PCM1: variants seen among roughly 807,000 people sequenced by gnomAD.
PCM1 encodes the protein pericentriolar material 1 protein.
A neutral mutation model predicts 241.9 loss-of-function variants in PCM1; 157 were observed. The ratio of observed to expected loss-of-function variants is 0.65; its 90% CI spans 0.57 to 0.74. PCM1 has a LOEUF of 0.74. PCM1 is among the 30% of genes least tolerant of loss of function. The probability of loss-of-function intolerance (pLI) is 0.00; values close to 1 mark genes in which losing one functional copy is unlikely to be tolerated. For synonymous variants in PCM1, 1,085 were observed against 784.9 expected (o/e 1.38, Z -6.39); for missense variants, 3,478 against 2,360.1 (o/e 1.47, Z -9.81).
chr8:17,925,998 GT>G lies in PCM1; in HGVS notation c.-23+1231del, dbSNP rs569626939. ...ATATCTTAATTATAATTCTCAGTGG[GT>G]TTTTTTTTTTTTAAACTGGAAGACT... On this transcript the variant is annotated intron_variant, in intron 2 of 38. Transcript: ENST00000325083. The G allele has an allele frequency of 1.6e-3, 230 of 146,768 alleles. 2 individuals are homozygous for G. The highest frequency in any genetic ancestry group is 0.014 in the East Asian group (69 of 5,040). The allele number at this position is 146,768 out of a possible 1,614,324, so 9.1% of individuals were successfully genotyped here.
chr8:17,990,123 A>C, intron 27 of PCM1, 144 bp downstream of exon 27: 1 of 592,160 alleles, frequency 1.7e-6, no homozygotes, highest in Non-Finnish European at 2.7e-6. Flanking sequence ...ATCAGTCTAA[A>C]ATCAAGAATC....
chr8:17,964,085 T>C (rs1354824600), intron 17 of PCM1, among the ~76,000 whole-genome samples: 1 of 152,238 alleles, frequency 6.6e-6, no homozygotes, highest in African/African-American at 2.4e-5. Flanking sequence ...CTGTCCAGTA[T>C]GGCAGCCACT....
At chr8:17,932,852 G>A (rs2129447895) in intron 2 of PCM1, among the ~76,000 whole-genome samples, 1 of 151,988 alleles carries the variant, frequency 6.6e-6, no homozygotes, top group South Asian at 2.1e-4. Context: ...ATGATATAAG[G>A]CAGCCTTTCT....
chr8:18,025,430 C>T lies in PCM1; in HGVS notation c.5911C>T (p.Leu1971=), dbSNP rs550552237. 6.3e-7 allele frequency: 1 copy of T among 1,596,406 alleles called. No homozygotes were observed. Among genetic ancestry groups the T allele is most frequent in the Non-Finnish European group, 8.6e-7 (1 of 1,166,732 alleles). The change falls in exon 37 of 39, where the codon CTG becomes TTG. Residue 1971 remains leucine (L), a synonymous_variant. Transcript: ENST00000325083. ...TTTTGTAAAAGTTGAAGATTTACCA[C>T]TGAAACTGACAATATATTCAGAGGT... The part of the protein sequence containing the change: ...EDFVKVEDLP[L]KLTIYSEADL...
rs975537876 is a variant in PCM1, at chr8:17,963,411, A to G, written c.2654+120A>G. ...ACAAATCTGCTATTTCAGTGAGGCT[A>G]CTGTTTAACTACCACCTTTGTGACC... On this transcript the variant is annotated intron_variant, in intron 17 of 38. Transcript: ENST00000325083. 7 of 637,348 alleles carry G rather than the reference A, an allele frequency of 1.1e-5. No individual in the cohort carries two copies. In the East Asian group the frequency reaches 1.8e-4, roughly 17 times the overall value. The allele number at this position is 637,348 out of a possible 1,614,324, so 39.5% of individuals were successfully genotyped here.
intron 29 of PCM1, among the ~76,000 whole-genome samples, chr8:17,997,885 A>AC (rs1242374023): frequency 6.6e-6 from 1 of 151,570 alleles, no homozygotes; most frequent in African/African-American, 2.4e-5. Context: ...AAAAAAAAAA[A>AC]AGTAGCTGGA....
At position 17,960,050 on chromosome 8, in the gene PCM1, G is replaced by T. The variant is rs1586870305; in HGVS notation, c.2077G>T (p.Ala693Ser). 2 of 1,612,582 alleles carry T rather than the reference G, an allele frequency of 1.2e-6. No individual in the cohort carries two copies. Among genetic ancestry groups the T allele is most frequent in the East Asian group, 4.5e-5 (2 of 44,816 alleles). ...DAAQGVISAS[A>S]SNLDDFYPAE... The stretch of plus-strand genomic sequence containing the variant: ...AGCTCAAGGAGTTATCTCTGCCAGT[G>T]CATCAAATTTGGATGATTTCTACCC... The change falls in exon 14 of 39, where the codon GCA becomes TCA. Residue 693 changes from alanine (A) to serine (S), a missense_variant. By Grantham distance (99) the Ala-to-Ser change is moderately conservative (BLOSUM62 1). Coordinates refer to ENST00000325083, the MANE Select transcript of PCM1 (RefSeq NM_006197.4).
chr8:17,940,872 A>G (rs2061805721), intron 6 of PCM1, among the ~76,000 whole-genome samples: 1 of 152,216 alleles, frequency 6.6e-6, no homozygotes, highest in South Asian at 2.1e-4. Context: ...TGCATTATTA[A>G]GCTTTTAACA....
At chr8:18,012,953 G>A (rs1012223402) in intron 34 of PCM1, among the ~76,000 whole-genome samples, 4 of 152,062 alleles carry the variant, frequency 2.6e-5, no homozygotes, top group African/African-American at 4.8e-5. Flanking sequence ...ATTACCTTCC[G>A]TTTTCAAATG....
intron 36 of PCM1, 101 bp downstream of exon 36, chr8:18,014,941 T>C (rs1284634138): frequency 1.9e-6 from 2 of 1,074,676 alleles, no homozygotes; most frequent in Non-Finnish European, 2.6e-6. Flanking sequence ...ATTTTGTGTT[T>C]AGGTTTAGAA....
chr8:17,962,574 A>G (rs920956856), intron 16 of PCM1, among the ~76,000 whole-genome samples: 3 of 152,036 alleles, frequency 2.0e-5, no homozygotes, highest in Admixed American at 6.6e-5. Context: ...ATTTTTCCTA[A>G]ATAATTTCTG....
chr8:18,008,006 A>G (rs1386657420), intron 30 of PCM1, among the ~76,000 whole-genome samples: 4 of 152,216 alleles, frequency 2.6e-5, no homozygotes, highest in Admixed American at 2.0e-4. Flanking sequence ...AAGGGTCAGA[A>G]TCTACTTTAA....
At position 17,969,064 on chromosome 8, in the gene PCM1, AT is replaced by A. The variant is rs763373048; in HGVS notation, c.3413-512del. Among the ~76,000 whole-genome samples the A allele has an allele frequency of 6.9e-3, 1,045 of 152,202 alleles. 5 individuals are homozygous for A. The highest frequency in any genetic ancestry group is 0.011 in the Non-Finnish European group (719 of 67,988). ...TAGTAGCCTCTTGCAAATAGCTCTG[AT>A]ACATAACAGTATTTGGTAAGTATTT... On this transcript the variant is annotated intron_variant, in intron 21 of 38. Transcript: ENST00000325083.
chr8:17,946,532 T>C (rs2063825648), intron 6 of PCM1, among the ~76,000 whole-genome samples: 1 of 152,092 alleles, frequency 6.6e-6, no homozygotes, highest in African/African-American at 2.4e-5. Context: ...GGTCTCGCTC[T>C]GTCACCCAGG....
intron 6 of PCM1, among the ~76,000 whole-genome samples, chr8:17,946,114 A>G (rs2063683917): frequency 6.6e-6 from 1 of 152,146 alleles, no homozygotes; most frequent in Non-Finnish European, 1.5e-5. Flanking sequence ...CATTTTGAAT[A>G]GTTTTAAGAT....
intron 6 of PCM1, among the ~76,000 whole-genome samples, chr8:17,941,501 T>C (rs1350202890): frequency 7.9e-5 from 12 of 151,388 alleles, no homozygotes; most frequent in Non-Finnish European, 1.5e-5. Context: ...TACTGCTGCT[T>C]GGAGGGGGAT....
chr8:17,955,373 T>C, intron 9 of PCM1, 97 bp from the exon 10 acceptor site: 1 of 782,016 alleles, frequency 1.3e-6, no homozygotes, highest in Non-Finnish European at 2.0e-6. Context: ...AGTTGTTAAT[T>C]TTTACTTTTT....
chr8:17,933,215 G>C (rs919740360), intron 2 of PCM1, among the ~76,000 whole-genome samples: 3 of 152,138 alleles, frequency 2.0e-5, no homozygotes, highest in Non-Finnish European at 4.4e-5. Flanking sequence ...TGCGTTAGCT[G>C]TTACTAGTTT....
Position 18,029,210 on chromosome 8 carries a change from T to C in PCM1, c.*1548T>C, listed in dbSNP as rs2094399023. Reference sequence around the variant, plus strand: ...TAACTTGCTGTATACCTCAGTGTAATGTCCATTCAAGGAGTATTAAATGAG... The same window carrying C: ...TAACTTGCTGTATACCTCAGTGTAACGTCCATTCAAGGAGTATTAAATGAG... On this transcript the variant is annotated 3_prime_UTR_variant, in exon 39 of 39. Coordinates refer to ENST00000325083, the MANE Select transcript of PCM1 (RefSeq NM_006197.4). The C allele has an allele frequency of 5.3e-6, 1 of 188,096 alleles. No homozygotes were observed. The highest frequency in any genetic ancestry group is 7.9e-5 in the East Asian group (1 of 12,690). 11.7% of individuals were successfully genotyped at this position (188,096 alleles called of 1,614,324 possible). A position where few individuals can be genotyped will look rare whatever the true frequency, so the allele number is the denominator to read the frequency against.
Sources: allele counts gnomAD v4.1 joint callset (sites outside exome capture counted in the v4.1 genomes callset), GRCh38; gene constraint gnomAD v4.1.1; transcripts MANE v1.5; gene names NCBI Gene and HGNC (gene_info 2026-07-23, HGNC 2026-07-21).